COBLL1: variants seen among roughly 807,000 people sequenced by gnomAD.
The protein encoded by COBLL1 is cordon-bleu protein-like 1.
In COBLL1, 50 loss-of-function variants were observed where a neutral mutation model predicts 94.8. That is an observed-to-expected ratio of 0.53 (90% CI 0.42 to 0.67). COBLL1 has a LOEUF of 0.67. COBLL1 is among the 30% of genes least tolerant of loss of function. COBLL1 has a pLI of 0.00. For missense variants in COBLL1, 1,362 were observed against 1,348.7 expected, an observed-to-expected ratio of 1.01 and a Z score of -0.15; for synonymous variants, 448 against 473.8, an observed-to-expected ratio of 0.95 and a Z score of 0.71.
At chr2:164,704,848 T>G in intron 8 of COBLL1, 104 bp downstream of exon 8, 1 of 1,204,410 alleles carries the variant, frequency 8.3e-7, no homozygotes, top group South Asian at 1.7e-5. Flanking sequence ...TTAAAAAGCC[T>G]AAGTATTATT....
In COBLL1 at chr2:164,695,631, T is replaced by C; in HGVS notation, c.1761A>G (p.Pro587=). ...KENHLAASSV[P]DQKLNQPSAE... ...CACTGGGTTGATTCAGTTTTTGATC[T>C]GGTACTGATGAAGCTGCTAGATGGT... Residue 587 remains proline, a synonymous_variant, in exon 12 of 14, where the codon CCA becomes CCG. Transcript: ENST00000652658. 6.2e-7 allele frequency: 1 copy of C among 1,613,938 alleles called. No individual in the cohort carries two copies.
chr2:164,712,504 A>G (rs1684946801), intron 7 of COBLL1, among the ~76,000 whole-genome samples: 1 of 152,106 alleles, frequency 6.6e-6, no homozygotes, highest in Non-Finnish European at 1.5e-5. Context: ...ATTAAATAGT[A>G]TAAAATATCT....
intron 5 of COBLL1, among the ~76,000 whole-genome samples, chr2:164,727,529 T>G (rs1323882126): frequency 6.6e-6 from 1 of 152,028 alleles, no homozygotes; most frequent in Non-Finnish European, 1.5e-5. Flanking sequence ...AGGAAAAATT[T>G]GGCAAGAAAC....
intron 2 of COBLL1, among the ~76,000 whole-genome samples, chr2:164,795,324 G>A (rs1393167945): frequency 6.6e-6 from 1 of 152,020 alleles, no homozygotes; most frequent in African/African-American, 2.4e-5. Flanking sequence ...ATATTACATG[G>A]CAAAATAATA....
intron 1 of COBLL1, among the ~76,000 whole-genome samples, chr2:164,666,696 T>C (rs1045169641): frequency 3.9e-5 from 6 of 152,228 alleles, no homozygotes; most frequent in African/African-American, 1.4e-4. Context: ...TCCTTTGTTG[T>C]CATTTCCATC....
intron 3 of COBLL1, 89 bp from the exon 4 acceptor site, chr2:164,730,204 T>C (rs968750275): frequency 6.0e-6 from 7 of 1,174,332 alleles, no homozygotes; most frequent in East Asian, 2.5e-5. Flanking sequence ...GTCTACAAGA[T>C]AGTTTTTGGA....
At chr2:164,675,821 CT>C (rs1370166987), downstream of COBLL1, among the ~76,000 whole-genome samples, 3 of 152,144 alleles carry the variant, frequency 2.0e-5, no homozygotes, top group Non-Finnish European at 4.4e-5. Flanking sequence ...GGGACTCACC[CT>C]TTAAATTGAA....
At chr2:164,793,326 A>C (rs1230229262) in intron 2 of COBLL1, among the ~76,000 whole-genome samples, 4 of 152,108 alleles carry the variant, frequency 2.6e-5, no homozygotes, top group Non-Finnish European at 5.9e-5. Flanking sequence ...AGCAAAAAAA[A>C]AAAACAAAAG....
intron 2 of COBLL1, among the ~76,000 whole-genome samples, chr2:164,659,539 T>C (rs1691036847): frequency 6.6e-6 from 1 of 152,180 alleles, no homozygotes; most frequent in South Asian, 2.1e-4. Flanking sequence ...ACAAGTCTCC[T>C]TTAGCAGTGA....
chr2:164,835,113 C>CA (rs886796566), intron 2 of COBLL1, among the ~76,000 whole-genome samples: 1 of 151,912 alleles, frequency 6.6e-6, no homozygotes, highest in African/African-American at 2.4e-5. Context: ...GGCAGTTCCT[C>CA]AAAAAAATTA....
Position 164,704,938 on chromosome 2 carries a change from A to T in COBLL1, c.1150+14T>A. 2.6e-6 allele frequency: 4 copies of T among 1,552,606 alleles called. No individual in the cohort carries two copies. Among genetic ancestry groups the T allele is most frequent in the Non-Finnish European group, 3.5e-6 (4 of 1,151,822 alleles). ...CACAATACAAATGTAATGTTAATGAAACAACCACATTACCAGTCACACGAC... is the reference window on the plus strand; with the variant it reads ...CACAATACAAATGTAATGTTAATGATACAACCACATTACCAGTCACACGAC... On this transcript the variant is annotated intron_variant, in intron 8 of 13. Coordinates refer to ENST00000652658, the MANE Select transcript of COBLL1 (RefSeq NM_001365672.2).
At chr2:164,809,260 G>A (rs1684342652) in intron 2 of COBLL1, among the ~76,000 whole-genome samples, 1 of 151,976 alleles carries the variant, frequency 6.6e-6, no homozygotes, top group South Asian at 2.1e-4. Flanking sequence ...AGGTATGCTT[G>A]ATAGCATCCA....
In COBLL1 at chr2:164,775,975, A is replaced by G. The variant is rs563931122; in HGVS notation, c.42-32100T>C. 2.6e-5 allele frequency among the ~76,000 whole-genome samples: 4 copies of G among 151,946 alleles called. No individual in the cohort carries two copies. The East Asian group carries it at 7.8e-4, about 30-fold the overall frequency. Reference sequence around the variant, plus strand: ...TCCCTGCCTCAATAACAGCCCCAATACAGTCCCAAATCTAAGAATTTACCT... The same window carrying G: ...TCCCTGCCTCAATAACAGCCCCAATGCAGTCCCAAATCTAAGAATTTACCT... On this transcript the variant is annotated intron_variant, in intron 2 of 13. Coordinates refer to ENST00000652658, the MANE Select transcript of COBLL1 (RefSeq NM_001365672.2).
intron 7 of COBLL1, among the ~76,000 whole-genome samples, chr2:164,718,901 GTATCC>G (rs1394064979): frequency 6.6e-6 from 1 of 151,670 alleles, no homozygotes; most frequent in Admixed American, 6.6e-5. Context: ...AGAGATAGAA[GTATCC>G]TATCCTATCA....
chr2:164,789,500 C>G (rs569941308), intron 2 of COBLL1, among the ~76,000 whole-genome samples: 2 of 152,064 alleles, frequency 1.3e-5, no homozygotes, highest in Admixed American at 6.5e-5. Flanking sequence ...AAAGGAAGTG[C>G]AATGTTTTTG....
chr2:164,705,818 G>A (rs6711241), intron 7 of COBLL1, among the ~76,000 whole-genome samples: 5,780 of 152,272 alleles, frequency 0.038, 363 homozygotes, highest in African/African-American at 0.13. Flanking sequence ...CAGACCACCT[G>A]AGGTAAAGAG....
Position 164,692,260 on chromosome 2 carries a change from A to C in COBLL1, c.3261T>G (p.Thr1087=). The C allele has an allele frequency of 3.7e-6, 6 of 1,612,700 alleles. No individual in the cohort carries two copies. Among genetic ancestry groups the C allele is most frequent in the Non-Finnish European group, 5.1e-6 (6 of 1,179,336 alleles). Residue 1087 remains threonine (T), a synonymous_variant, in exon 13 of 14, where the codon ACT becomes ACG. Coordinates refer to ENST00000652658, the MANE Select transcript of COBLL1 (RefSeq NM_001365672.2). ...CAGCAGCCTCTCCCGAACGGATTGCAGTCAGCAAACTCTGTCGCATCTGTT... is the reference window on the plus strand; with the variant it reads ...CAGCAGCCTCTCCCGAACGGATTGCCGTCAGCAAACTCTGTCGCATCTGTT... ...DPEQMRQSLL[T]AIRSGEAAAK...
At chr2:164,713,884 G>A (rs971609654) in intron 7 of COBLL1, among the ~76,000 whole-genome samples, 3 of 152,006 alleles carry the variant, frequency 2.0e-5, no homozygotes, top group African/African-American at 4.8e-5. Flanking sequence ...AAACAAGCAC[G>A]TTCATCTGTT....
At chr2:164,801,484 G>A (rs1683800206) in intron 2 of COBLL1, among the ~76,000 whole-genome samples, 2 of 145,556 alleles carry the variant, frequency 1.4e-5, no homozygotes, top group Admixed American at 6.9e-5. Flanking sequence ...AGCTAAGTGT[G>A]GTGGCAACAC....
Sources: allele counts gnomAD v4.1 joint callset (sites outside exome capture counted in the v4.1 genomes callset), GRCh38; gene constraint gnomAD v4.1.1; transcripts MANE v1.5; gene names NCBI Gene and HGNC (gene_info 2026-07-23, HGNC 2026-07-21).